SCP2: variants seen among roughly 807,000 people sequenced by gnomAD.
SCP2 encodes sterol carrier protein 2.
In SCP2, 48 loss-of-function variants were observed where a neutral mutation model predicts 71.4. The observed-to-expected ratio is 0.67, with a 90% CI of 0.53 to 0.86. The LOEUF (loss-of-function observed/expected upper bound fraction) is 0.86. Ranked by LOEUF, SCP2 falls within the 40% of genes least tolerant of loss-of-function variation. SCP2 has a pLI of 0.00. For missense variants in SCP2, 560 were observed against 655.6 expected, an observed-to-expected ratio of 0.85 and a Z score of 1.59; for synonymous variants, 220 against 218.1, an observed-to-expected ratio of 1.01 and a Z score of -0.08.
At position 52,958,522 on chromosome 1, in the gene SCP2, C is replaced by T. The variant is rs148139285; in HGVS notation, c.397-2981C>T. Among the ~76,000 whole-genome samples the T allele has an allele frequency of 2.8e-3, 425 of 152,140 alleles. 1 individual carries two copies. The highest frequency in any genetic ancestry group is 9.4e-3 in the African/African-American group (388 of 41,492). On this transcript the variant is annotated intron_variant, in intron 5 of 15. Transcript: ENST00000371514. The stretch of plus-strand genomic sequence containing the variant: ...CTGGGATTACAAGTATGAGGCACCG[C>T]GCCTGGCCACATTTTTTCACAAGCT...
In SCP2 at chr1:52,982,292, A is replaced by C. The variant is rs567133700; in HGVS notation, c.973+1749A>C. 8.5e-5 allele frequency among the ~76,000 whole-genome samples: 13 copies of C among 152,180 alleles called. No individual in the cohort carries two copies. In the South Asian group the frequency reaches 1.5e-3, roughly 17 times the overall value. On this transcript the variant is annotated intron_variant, in intron 10 of 15. Transcript: ENST00000371514. ...GGGGGTAAAATCTCTCCCAGTTGGC[A>C]GGGCGCGGTGGCTCAGGCCTATAAT...
chr1:52,960,570 A>ATATGTATG (rs1656291830), intron 5 of SCP2, among the ~76,000 whole-genome samples: 5 of 146,344 alleles, frequency 3.4e-5, no homozygotes, highest in African/African-American at 1.3e-4. Context: ...ATGTATGTAT[A>ATATGTATG]TATATGTATA....
intron 11 of SCP2, among the ~76,000 whole-genome samples, chr1:52,992,359 T>A (rs779520184): frequency 5.3e-5 from 8 of 152,202 alleles, no homozygotes; most frequent in Non-Finnish European, 1.0e-4. Context: ...ATTAATCATC[T>A]CTGACCCCAG....
In SCP2 at chr1:52,927,479, C is replaced by A; in HGVS notation, c.69+14C>A. ...GGCATGACCAAGGTAAACCGAGCAGCGGCCCTGCTGGCCCTCTGAGGCTCG... is the reference window on the plus strand; with the variant it reads ...GGCATGACCAAGGTAAACCGAGCAGAGGCCCTGCTGGCCCTCTGAGGCTCG... On this transcript the variant is annotated intron_variant, in intron 1 of 15. Transcript: ENST00000371514. 3 of 1,585,586 alleles carry A rather than the reference C, an allele frequency of 1.9e-6. No individual in the cohort carries two copies. Among genetic ancestry groups the A allele is most frequent in the East Asian group, 2.3e-5 (1 of 44,002 alleles).
At position 52,976,774 on chromosome 1, in the gene SCP2, G is replaced by T. The variant is rs1658007635; in HGVS notation, c.674+5G>T. Reference sequence around the variant, plus strand: ...TTTGACTATCTTACAATGTTGGTAAGAAAAATATATTTTAACATTTAATGA... The same window carrying T: ...TTTGACTATCTTACAATGTTGGTAATAAAAATATATTTTAACATTTAATGA... On this transcript the variant is annotated splice_donor_5th_base_variant and intron_variant, in intron 8 of 15. Transcript: ENST00000371514. 1 of 1,341,458 alleles carries T rather than the reference G, an allele frequency of 7.5e-7. No homozygotes were observed. The highest frequency in any genetic ancestry group is 1.2e-5 in the South Asian group (1 of 85,432). The allele number at this position is 1,341,458 out of a possible 1,614,324, so 83.1% of individuals were successfully genotyped here.
chr1:52,935,685 C>A (rs1275488139), intron 1 of SCP2, among the ~76,000 whole-genome samples: 1 of 151,894 alleles, frequency 6.6e-6, no homozygotes, highest in East Asian at 1.9e-4. Context: ...TGCCTGTAAT[C>A]CCAGCAGTTG....
intron 1 of SCP2, among the ~76,000 whole-genome samples, chr1:52,931,746 A>C (rs376941562): frequency 2.7e-4 from 41 of 152,346 alleles, no homozygotes; most frequent in African/African-American, 9.4e-4. Flanking sequence ...CAAATAGCCA[A>C]GGATCACCAG....
rs1275069806 is a variant in SCP2, at chr1:52,989,353, ATCTG to A, written c.1081+1219_1081+1222del. Among the ~76,000 whole-genome samples the A allele has an allele frequency of 2.0e-5, 3 of 152,190 alleles. No homozygotes were observed. In the East Asian group the frequency reaches 5.8e-4, roughly 29 times the overall value. On this transcript the variant is annotated intron_variant, in intron 11 of 15. Coordinates refer to ENST00000371514, the MANE Select transcript of SCP2 (RefSeq NM_002979.5). ...TTAAAAATTAACCAGATTTACAACA[ATCTG>A]TTGGGAGTGGAGGTGGGGGGTGCTT... is the stretch of plus-strand genomic sequence containing the variant.
chr1:52,999,817 T>TTTTTTTTTTC (rs1660189898), intron 11 of SCP2, among the ~76,000 whole-genome samples: 1 of 102,992 alleles, frequency 9.7e-6, no homozygotes, highest in Non-Finnish European at 1.7e-5. Flanking sequence ...GAACACTTGT[T>TTTTTTTTTTC]TTTTTTTTTT....
At chr1:52,999,040 C>G (rs903888622) in intron 11 of SCP2, among the ~76,000 whole-genome samples, 1 of 152,058 alleles carries the variant, frequency 6.6e-6, no homozygotes, top group Non-Finnish European at 1.5e-5. Context: ...TAAATTTTTC[C>G]TTTTATCATT....
intron 6 of SCP2, among the ~76,000 whole-genome samples, chr1:52,966,501 ATTATT>A (rs1656967515): frequency 6.6e-6 from 1 of 151,982 alleles, no homozygotes; most frequent in Non-Finnish European, 1.5e-5. Flanking sequence ...TTCTGTTGCT[ATTATT>A]TTATTTAGTA....
intron 11 of SCP2, among the ~76,000 whole-genome samples, chr1:53,007,764 A>T (rs941333324): frequency 1.3e-5 from 2 of 152,192 alleles, no homozygotes; most frequent in African/African-American, 4.8e-5. Flanking sequence ...AGAAGGCAAG[A>T]AATAACTAAG....
intron 4 of SCP2, among the ~76,000 whole-genome samples, chr1:52,952,922 C>G (rs1232652381): frequency 6.6e-6 from 1 of 152,094 alleles, no homozygotes; most frequent in Non-Finnish European, 1.5e-5. Flanking sequence ...GGTCCTCTCT[C>G]TGTTCCACTG....
chr1:52,997,529 G>T (rs1477518932), intron 11 of SCP2, among the ~76,000 whole-genome samples: 1 of 152,182 alleles, frequency 6.6e-6, no homozygotes, highest in Non-Finnish European at 1.5e-5. Context: ...CTACAATATA[G>T]ATGAACCTTG....
chr1:53,011,533 C>T (rs763547403), intron 11 of SCP2, among the ~76,000 whole-genome samples: 3 of 152,160 alleles, frequency 2.0e-5, no homozygotes, highest in African/African-American at 4.8e-5. Flanking sequence ...AGGTCAGTTA[C>T]TTTCATGTAA....
intron 2 of SCP2, 32 bp downstream of exon 2, chr1:52,941,885 C>G (rs1654284711): frequency 6.7e-7 from 1 of 1,496,130 alleles, no homozygotes; most frequent in Non-Finnish European, 9.3e-7. Context: ...TTTGAACATT[C>G]ATAGTTTATT....
At chr1:52,945,421 G>T (rs1410495025) in intron 2 of SCP2, among the ~76,000 whole-genome samples, 1 of 152,138 alleles carries the variant, frequency 6.6e-6, no homozygotes, top group Non-Finnish European at 1.5e-5. Flanking sequence ...TTGGAAAAGG[G>T]CCAGGTGTGG....
chr1:53,011,789 C>T (rs1178695642), intron 11 of SCP2, among the ~76,000 whole-genome samples: 1 of 152,180 alleles, frequency 6.6e-6, no homozygotes, highest in Non-Finnish European at 1.5e-5. Flanking sequence ...GGGGGAAGCC[C>T]TCACCTTTCC....
At chr1:53,045,282 A>G (rs1402186834) in intron 14 of SCP2, among the ~76,000 whole-genome samples, 3 of 152,174 alleles carry the variant, frequency 2.0e-5, no homozygotes, top group African/African-American at 7.2e-5. Flanking sequence ...GATTTTATTT[A>G]TTTTAGAAAT....
Sources: gnomAD v4.1 joint callset for allele counts (sites outside exome capture counted in the v4.1 genomes callset) on GRCh38, gnomAD v4.1.1 for gene constraint, MANE v1.5 for transcripts, NCBI Gene and HGNC (gene_info 2026-07-23, HGNC 2026-07-21) for gene names.